The following THSD7A variants were observed in gnomAD, a reference collection of about 807,000 sequenced individuals.
THSD7A encodes thrombospondin type-1 domain-containing protein 7A.
THSD7A carries 96 observed loss-of-function variants against 231.3 expected under a neutral mutation model. The observed-to-expected ratio is 0.41, with a 90% CI of 0.35 to 0.49. The LOEUF is 0.49. Among genes scored for constraint, THSD7A ranks in the 20% least tolerant of loss-of-function variants. THSD7A has a pLI of 0.05. For synonymous variants in THSD7A, 940 were observed against 743.3 expected (o/e 1.26, Z -4.30); for missense variants, 2,290 against 2,070.2 (o/e 1.11, Z -2.06).
intron 9 of THSD7A, among the ~76,000 whole-genome samples, chr7:11,466,193 T>C (rs1432414966): frequency 6.6e-6 from 1 of 152,214 alleles, no homozygotes; most frequent in Non-Finnish European, 1.5e-5. Context: ...ATTTAGACTT[T>C]ACTCGCAGAA....
intron 2 of THSD7A, among the ~76,000 whole-genome samples, chr7:11,607,426 G>A (rs1780770116): frequency 6.6e-6 from 1 of 151,970 alleles, no homozygotes. Flanking sequence ...ATGGTGAAAT[G>A]ATATTTTACT....
chr7:11,457,562 G>A (rs1785349696), intron 11 of THSD7A, among the ~76,000 whole-genome samples: 1 of 152,034 alleles, frequency 6.6e-6, no homozygotes, highest in Non-Finnish European at 1.5e-5. Context: ...TCAGGCCCAT[G>A]TGTCTTATCT....
chr7:11,571,963 T>C (rs12699240), intron 4 of THSD7A, among the ~76,000 whole-genome samples: 29,542 of 152,146 alleles, frequency 0.19, 3,220 homozygotes, highest in Admixed American at 0.24. Context: ...ATTTGAGATT[T>C]TTTTTTTGGC....
At chr7:11,541,655 T>C in intron 5 of THSD7A, 24 bp from the exon 6 acceptor site, 5 of 1,601,000 alleles carry the variant, frequency 3.1e-6, no homozygotes, top group Non-Finnish European at 4.3e-6. Flanking sequence ...GAAGGAAAAA[T>C]CTATTGTTAC....
At chr7:11,603,626 C>G (rs551285374) in intron 2 of THSD7A, among the ~76,000 whole-genome samples, 2 of 151,774 alleles carry the variant, frequency 1.3e-5, no homozygotes, top group South Asian at 4.2e-4. Context: ...TTGGAACCAA[C>G]CCAAATGTCC....
At chr7:11,649,320 A>G (rs1782405207) in intron 1 of THSD7A, among the ~76,000 whole-genome samples, 1 of 152,034 alleles carries the variant, frequency 6.6e-6, no homozygotes. Flanking sequence ...CCATAAACTC[A>G]TGATAGACCC....
intron 1 of THSD7A, among the ~76,000 whole-genome samples, chr7:11,769,147 A>T (rs1442661163): frequency 0.064 from 2,278 of 35,380 alleles, 216 homozygotes; most frequent in African/African-American, 0.098. Flanking sequence ...ATATATATAT[A>T]TATATATTTT....
intron 1 of THSD7A, among the ~76,000 whole-genome samples, chr7:11,801,435 A>C (rs1784273833): frequency 6.6e-6 from 1 of 152,156 alleles, no homozygotes; most frequent in African/African-American, 2.4e-5. Context: ...TGGATAAGTG[A>C]ATTGAAGCAT....
chr7:11,734,473 C>A (rs1000081567), intron 1 of THSD7A, among the ~76,000 whole-genome samples: 1 of 151,954 alleles, frequency 6.6e-6, no homozygotes, highest in African/African-American at 2.4e-5. Context: ...CGTGGTCAAT[C>A]TTTTTCCATA....
intron 1 of THSD7A, among the ~76,000 whole-genome samples, chr7:11,663,343 C>T (rs533573354): frequency 5.3e-5 from 8 of 151,404 alleles, no homozygotes; most frequent in Admixed American, 1.3e-4. Context: ...AATGTTCCTC[C>T]GTCTATTCAA....
At chr7:11,779,594 T>C (rs1395002331) in intron 1 of THSD7A, among the ~76,000 whole-genome samples, 1 of 152,222 alleles carries the variant, frequency 6.6e-6, no homozygotes, top group East Asian at 1.9e-4. Flanking sequence ...TTAATATTTC[T>C]AACTTACATC....
rs1445288206 is a variant in THSD7A, at chr7:11,373,075, G to GTATATA, written c.*2718_*2719insTATATA. The stretch of plus-strand genomic sequence containing the variant: ...TATATATGGGTGTGTGTGTGTGTGT[G>GTATATA]TGTATATATATATATGCATGCATAT... On this transcript the variant is annotated 3_prime_UTR_variant, in exon 28 of 28. Transcript: ENST00000423059. The GTATATA allele has an allele frequency of 7.3e-6, 1 of 136,956 alleles. No individual in the cohort carries two copies. The highest frequency in any genetic ancestry group is 2.9e-5 in the African/African-American group (1 of 34,896). The allele number at this position is 136,956 out of a possible 1,614,324, so 8.5% of individuals were successfully genotyped here.
At chr7:11,708,069 C>G (rs35427128) in intron 1 of THSD7A, among the ~76,000 whole-genome samples, 21,278 of 150,638 alleles carry the variant, frequency 0.14, 1,646 homozygotes, top group Admixed American at 0.19. Context: ...ACCTGAAGAG[C>G]ATCCTGGCTT....
At chr7:11,394,670 AT>A (rs1443899169) in intron 23 of THSD7A, among the ~76,000 whole-genome samples, 1 of 152,174 alleles carries the variant, frequency 6.6e-6, no homozygotes, top group African/African-American at 2.4e-5. Flanking sequence ...TTACCCACAG[AT>A]TGTGTTTGCT....
chr7:11,457,789 T>C (rs571387091), intron 11 of THSD7A, among the ~76,000 whole-genome samples: 1 of 152,222 alleles, frequency 6.6e-6, no homozygotes, highest in Non-Finnish European at 1.5e-5. Flanking sequence ...AACACTTAGC[T>C]TATAGAATTG....
At chr7:11,478,779 A>G (rs1786303901) in intron 7 of THSD7A, among the ~76,000 whole-genome samples, 1 of 152,160 alleles carries the variant, frequency 6.6e-6, no homozygotes, top group African/African-American at 2.4e-5. Flanking sequence ...CGATAGATAG[A>G]TACATACATA....
intron 6 of THSD7A, among the ~76,000 whole-genome samples, chr7:11,526,404 T>C (rs1472458380): frequency 1.3e-5 from 2 of 152,176 alleles, no homozygotes; most frequent in Non-Finnish European, 1.5e-5. Flanking sequence ...GAGAGTATAC[T>C]CTATCCACTG....
intron 6 of THSD7A, among the ~76,000 whole-genome samples, chr7:11,515,506 T>G (rs1387074514): frequency 2.6e-5 from 4 of 152,180 alleles, no homozygotes; most frequent in African/African-American, 7.2e-5. Flanking sequence ...ATATCAACAA[T>G]TAATTATGAT....
At position 11,658,341 on chromosome 7, in the gene THSD7A, G is replaced by A. The variant is rs191940627; in HGVS notation, c.191-21380C>T. On this transcript the variant is annotated intron_variant, in intron 1 of 27. Transcript: ENST00000423059. ...GTCATCAGAAGGATGTGTCTATCAC[G>A]TGTATTTTATTTTAGATGTGTTTGT... 1.5e-3 allele frequency among the ~76,000 whole-genome samples: 222 copies of A among 151,736 alleles called. 1 individual carries two copies. The highest frequency in any genetic ancestry group is 1.2e-3 in the Non-Finnish European group (79 of 67,770).
Sources: allele counts gnomAD v4.1 joint callset (sites outside exome capture counted in the v4.1 genomes callset), GRCh38; gene constraint gnomAD v4.1.1; transcripts MANE v1.5; gene names NCBI Gene and HGNC (gene_info 2026-07-23, HGNC 2026-07-21).